The following PCDHGA11 variants were observed in gnomAD, a reference collection of about 807,000 sequenced individuals.
PCDHGA11 encodes protocadherin gamma subfamily A, 11.
Under a neutral mutation model 60.4 loss-of-function variants are expected in PCDHGA11, and 39 were observed. The ratio of observed to expected loss-of-function variants is 0.65; its 90% CI spans 0.50 to 0.84. The LOEUF (loss-of-function observed/expected upper bound fraction) is 0.84. PCDHGA11 is among the 40% of genes least tolerant of loss of function. The pLI is 0.00. For synonymous variants in PCDHGA11, 533 were observed against 510.3 expected (o/e 1.04, Z -0.60); for missense variants, 1,165 against 1,197.7 (o/e 0.97, Z 0.40).
chr5:141,488,572 T>C (rs888054788), intron 1 of PCDHGA11, among the ~76,000 whole-genome samples: 28 of 152,212 alleles, frequency 1.8e-4, no homozygotes, highest in African/African-American at 6.8e-4. Flanking sequence ...CCGCAAAGCA[T>C]TGCTGGAGAG....
chr5:141,430,926 C>T, intron 1 of PCDHGA11: 1 of 1,607,426 alleles, frequency 6.2e-7, no homozygotes, highest in Non-Finnish European at 8.5e-7. Flanking sequence ...GGGCTGGAGC[C>T]CCGGGAGCTC....
intron 1 of PCDHGA11, among the ~76,000 whole-genome samples, chr5:141,435,412 T>C (rs2097761991): frequency 6.6e-6 from 1 of 152,222 alleles, no homozygotes; most frequent in Non-Finnish European, 1.5e-5. Flanking sequence ...TGGTAAAGAC[T>C]ATTTTTCACT....
At chr5:141,466,993 T>G (rs2099133598) in intron 1 of PCDHGA11, among the ~76,000 whole-genome samples, 1 of 152,148 alleles carries the variant, frequency 6.6e-6, no homozygotes, top group African/African-American at 2.4e-5. Context: ...CCTTTTGGCA[T>G]TTTTTTGCAA....
intron 1 of PCDHGA11, among the ~76,000 whole-genome samples, chr5:141,445,011 T>C (rs970882082): frequency 1.3e-5 from 2 of 152,196 alleles, no homozygotes; most frequent in Non-Finnish European, 2.9e-5. Flanking sequence ...AATTAGGTCT[T>C]TAATTTCTCT....
Position 141,485,448 on chromosome 5 carries a change from G to A in PCDHGA11, c.2434-9359G>A. On this transcript the variant is annotated intron_variant, in intron 1 of 3. Coordinates refer to ENST00000398587, the MANE Select transcript of PCDHGA11 (RefSeq NM_018914.3). This position sits in a 1 kb window ranked among gnomAD's most constrained non-coding sequence, Gnocchi z 5.7. ...CTGCTCATCAAGAACCCAATCGACC[G>A]AGAGGCACTGTGTGGGCTCAGTGCC... is the stretch of plus-strand genomic sequence containing the variant. 1 of 1,614,154 alleles carries A rather than the reference G, an allele frequency of 6.2e-7. No homozygotes were observed.
Position 141,487,367 on chromosome 5 carries a change from G to A in PCDHGA11, c.2434-7440G>A. 1 of 1,614,204 alleles carries A rather than the reference G, an allele frequency of 6.2e-7. No individual in the cohort carries two copies. The highest frequency in any genetic ancestry group is 8.5e-7 in the Non-Finnish European group (1 of 1,180,030). ...CACATGCTTTCCTGCTGGCACCTGT[G>A]CCTGTCTCACCAGATCTCGAAGGAG... On this transcript the variant is annotated intron_variant, in intron 1 of 3. Coordinates refer to ENST00000398587, the MANE Select transcript of PCDHGA11 (RefSeq NM_018914.3). This position sits in a 1 kb window ranked among gnomAD's most constrained non-coding sequence, Gnocchi z 5.0.
chr5:141,508,062 C>T (rs910730855), intron 3 of PCDHGA11: 2 of 152,316 alleles, frequency 1.3e-5, no homozygotes, highest in African/African-American at 4.8e-5. Flanking sequence ...TAATCAGCCT[C>T]CTTGGGCTAC....
chr5:141,451,497 G>T (rs2098717489), intron 1 of PCDHGA11, among the ~76,000 whole-genome samples: 1 of 152,214 alleles, frequency 6.6e-6, no homozygotes, highest in Admixed American at 6.5e-5. Flanking sequence ...CCTCCATAGG[G>T]CAACCAGCTT....
intron 1 of PCDHGA11, among the ~76,000 whole-genome samples, chr5:141,473,948 A>ACC (rs2099333859): frequency 1.3e-5 from 2 of 152,182 alleles, no homozygotes; most frequent in Non-Finnish European, 2.9e-5. Context: ...TCAGGCCTGT[A>ACC]GTCCCATCTA....
At chr5:141,498,921 AG>A (rs1289139995) in intron 2 of PCDHGA11, among the ~76,000 whole-genome samples, 1 of 140,074 alleles carries the variant, frequency 7.1e-6, no homozygotes, top group Non-Finnish European at 1.6e-5. Flanking sequence ...TGACAGAGCG[AG>A]ACTCCATCAG....
chr5:141,435,807 T>A (rs2097781241), intron 1 of PCDHGA11, among the ~76,000 whole-genome samples: 1 of 152,040 alleles, frequency 6.6e-6, no homozygotes, highest in South Asian at 2.1e-4. Context: ...CCCAATTATT[T>A]TTTCTTTCTT....
chr5:141,431,068 A>G lies in PCDHGA11; in HGVS notation c.2433+7408A>G. 2 of 1,614,218 alleles carry G rather than the reference A, an allele frequency of 1.2e-6. No individual in the cohort carries two copies. Among genetic ancestry groups the G allele is most frequent in the South Asian group, 1.1e-5 (1 of 91,088 alleles). On this transcript the variant is annotated intron_variant, in intron 1 of 3. Coordinates refer to ENST00000398587, the MANE Select transcript of PCDHGA11 (RefSeq NM_018914.3). The surrounding 1 kb of genome is among the most constrained non-coding windows in gnomAD (Gnocchi z 4.8). ...TCTGTATGGGGGCCATCAAGTGTCA[A>G]TTAAATCTAGACATTCTGATGGAGG...
At chr5:141,433,358 CCTATCTATCTATCTATCTAT>C (rs3074541) in intron 1 of PCDHGA11, 19 of 503,934 alleles carry the variant, frequency 3.8e-5, no homozygotes, top group South Asian at 2.3e-4. Flanking sequence ...CTACTGTCTG[CCTATCTATCTATCTATCTAT>C]CTATCTATCT....
At chr5:141,447,861 G>A (rs2098553733) in intron 1 of PCDHGA11, among the ~76,000 whole-genome samples, 1 of 152,120 alleles carries the variant, frequency 6.6e-6, no homozygotes, top group Non-Finnish European at 1.5e-5. Flanking sequence ...CGAGGTGGGT[G>A]AATCATCTGA....
chr5:141,505,298 T>C, intron 2 of PCDHGA11, 95 bp from the exon 3 acceptor site: 1 of 1,586,334 alleles, frequency 6.3e-7, no homozygotes, highest in Non-Finnish European at 8.6e-7. Flanking sequence ...GGGGTAGGGT[T>C]AGGGTACTAG....
intron 1 of PCDHGA11, chr5:141,441,702 A>G: frequency 3.2e-6 from 1 of 309,906 alleles, no homozygotes. Context: ...GCGAGCCTTC[A>G]AGCTCACGCT....
rs2097718776 is a variant in PCDHGA11, at chr5:141,434,813, T to C, written c.2433+11153T>C. On this transcript the variant is annotated intron_variant, in intron 1 of 3. Coordinates refer to ENST00000398587, the MANE Select transcript of PCDHGA11 (RefSeq NM_018914.3). ...TTTTTTCTGAGCTTGGAGAAATATA[T>C]CCCTTAGTACACTTGGCATTTATAA... Among the ~76,000 whole-genome samples, 5 of 151,962 alleles carry C rather than the reference T, an allele frequency of 3.3e-5. No individual in the cohort carries two copies. In the South Asian group the frequency reaches 1.0e-3, roughly 32 times the overall value.
rs552812176 is a variant in PCDHGA11, at chr5:141,497,407, A to G, written c.2492+2542A>G. Among the ~76,000 whole-genome samples, 43 of 152,204 alleles carry G rather than the reference A, an allele frequency of 2.8e-4. No individual in the cohort carries two copies. In the Middle Eastern group the frequency reaches 0.01, roughly 36 times the overall value. The stretch of plus-strand genomic sequence containing the variant: ...GCACCTTACCCCTGCCTCAACTCCC[A>G]TTCCATCAAATGAGAGGCTTAGTGG... On this transcript the variant is annotated intron_variant, in intron 2 of 3. Coordinates refer to ENST00000398587, the MANE Select transcript of PCDHGA11 (RefSeq NM_018914.3).
intron 1 of PCDHGA11, among the ~76,000 whole-genome samples, chr5:141,472,980 C>CAAAAAAAAAAAAAAAA (rs60579131): frequency 2.8e-4 from 24 of 86,024 alleles, no homozygotes; most frequent in East Asian, 1.2e-3. Context: ...GAGTGAAACT[C>CAAAAAAAAAAAAAAAA]AAAAAAAAAA....
Sources: allele counts gnomAD v4.1 joint callset (sites outside exome capture counted in the v4.1 genomes callset), GRCh38; gene constraint gnomAD v4.1.1; non-coding constraint Gnocchi (gnomAD v3.1); transcripts MANE v1.5; gene names NCBI Gene and HGNC (gene_info 2026-07-23, HGNC 2026-07-21).